ACTA1: variants seen among roughly 807,000 people sequenced by gnomAD.
ACTA1 encodes actin, alpha skeletal muscle.
ACTA1 carries 25 observed loss-of-function variants against 35.8 expected under a neutral mutation model. The ratio of observed to expected loss-of-function variants is 0.70; its 90% CI spans 0.51 to 0.97. ACTA1 has a LOEUF of 0.97. Ranked by LOEUF, ACTA1 falls within the 50% of genes least tolerant of loss-of-function variation. The pLI, the probability that ACTA1 is intolerant of heterozygous loss-of-function variation, is 0.00. For synonymous variants in ACTA1, 219 were observed against 217.1 expected, an observed-to-expected ratio of 1.01 and a Z score of -0.08; for missense variants, 174 against 533.0, an observed-to-expected ratio of 0.33 and a Z score of 6.63.
Position 229,432,536 on chromosome 1 carries a change from TG to T in ACTA1, c.454+19del, listed in dbSNP as rs753181739. ...CGGGGGCGGGGGCGGGAGAGGGGAC[TG>T]GGGGCAGCGGGCACTCACCGGTGGT... On this transcript the variant is annotated intron_variant, in intron 3 of 6. Transcript: ENST00000366684. The T allele has an allele frequency of 9.6e-6, 14 of 1,461,260 alleles. No individual in the cohort carries two copies. Among genetic ancestry groups the T allele is most frequent in the Non-Finnish European group, 1.3e-5 (14 of 1,076,578 alleles). 90.5% of individuals were successfully genotyped at this position (1,461,260 alleles called of 1,614,324 possible).
Position 229,431,972 on chromosome 1 carries a change from G to A in ACTA1, c.808+22C>T, listed in dbSNP as rs753716593. ...GGGGCCGGCGGGGCCTGGGGGCCGG[G>A]GCGAGGGCGAGCGGGGCTCACCGAT... is the stretch of plus-strand genomic sequence containing the variant. On this transcript the variant is annotated intron_variant, in intron 5 of 6. Coordinates refer to ENST00000366684, the MANE Select transcript of ACTA1 (RefSeq NM_001100.4). This position sits in a 1 kb window ranked among gnomAD's most constrained non-coding sequence, Gnocchi z 7.1. The A allele has an allele frequency of 1.2e-6, 2 of 1,603,300 alleles. No individual in the cohort carries two copies. Among genetic ancestry groups the A allele is most frequent in the Non-Finnish European group, 1.7e-6 (2 of 1,175,006 alleles).
Position 229,432,709 on chromosome 1 carries a change from C to T in ACTA1, c.301G>A (p.Glu101Lys). Residue 101 changes from glutamate (E) to lysine (K), a missense_variant, in exon 3 of 7, where the codon GAG becomes AAG. By Grantham distance (56) the Glu-to-Lys change is moderately conservative. Coordinates refer to ENST00000366684, the MANE Select transcript of ACTA1 (RefSeq NM_001100.4). ...TFYNELRVAP[E>K]EHPTLLTEAP... Reference sequence around the variant, plus strand: ...TCGGTGAGCAGGGTGGGGTGCTCCTCGGGAGCCACGCGAAGCTCGTTGTAG... The same window carrying T: ...TCGGTGAGCAGGGTGGGGTGCTCCTTGGGAGCCACGCGAAGCTCGTTGTAG... 1 of 1,614,134 alleles carries T rather than the reference C, an allele frequency of 6.2e-7. No individual in the cohort carries two copies. The highest frequency in any genetic ancestry group is 8.5e-7 in the Non-Finnish European group (1 of 1,180,022).
Position 229,431,349 on chromosome 1 carries a change from A to T in ACTA1, c.*150T>A, listed in dbSNP as rs1659927116. ...ACAAAATGAGGTAATAAGTTAATGTATGTACACGTTATAAACACTGTGTCA... is the reference window on the plus strand; with the variant it reads ...ACAAAATGAGGTAATAAGTTAATGTTTGTACACGTTATAAACACTGTGTCA... On this transcript the variant is annotated 3_prime_UTR_variant, in exon 7 of 7. Transcript: ENST00000366684. This position sits in a 1 kb window ranked among gnomAD's most constrained non-coding sequence, Gnocchi z 7.1. The T allele has an allele frequency of 1.9e-6, 2 of 1,052,636 alleles. No individual in the cohort carries two copies. The highest frequency in any genetic ancestry group is 2.9e-6 in the Non-Finnish European group (2 of 685,228). The allele number at this position is 1,052,636 out of a possible 1,614,324, so 65.2% of individuals were successfully genotyped here. A position where few individuals can be genotyped will look rare whatever the true frequency, so the allele number is the denominator to read the frequency against.
In ACTA1 at chr1:229,431,291, A is replaced by G; in HGVS notation, c.*208T>C. On this transcript the variant is annotated 3_prime_UTR_variant, in exon 7 of 7. Coordinates refer to ENST00000366684, the MANE Select transcript of ACTA1 (RefSeq NM_001100.4). The surrounding 1 kb of genome is among the most constrained non-coding windows in gnomAD (Gnocchi z 7.1). ...ACTTTAATGCTTCTTCAAGTTTTCCATTTTCTTCCACAGGGCTTTGTTTCG... is the reference window on the plus strand; with the variant it reads ...ACTTTAATGCTTCTTCAAGTTTTCCGTTTTCTTCCACAGGGCTTTGTTTCG... The G allele has an allele frequency of 1.4e-6, 1 of 715,926 alleles. No individual in the cohort carries two copies. The highest frequency in any genetic ancestry group is 1.8e-5 in the South Asian group (1 of 55,858). The allele number at this position is 715,926 out of a possible 1,614,324, so 44.3% of individuals were successfully genotyped here.
intron 1 of ACTA1, among the ~76,000 whole-genome samples, chr1:229,433,800 G>A (rs1660004732): frequency 6.6e-6 from 1 of 152,254 alleles, no homozygotes; most frequent in Non-Finnish European, 1.5e-5. Flanking sequence ...AAAGGGGCTA[G>A]AGAAAAATTT....
At position 229,432,316 on chromosome 1, in the gene ACTA1, G is replaced by A; in HGVS notation, c.570C>T (p.Tyr190=). 2 of 1,613,814 alleles carry A rather than the reference G, an allele frequency of 1.2e-6. No individual in the cohort carries two copies. Among genetic ancestry groups the A allele is most frequent in the South Asian group, 1.1e-5 (1 of 91,074 alleles). The part of the protein sequence containing the change: ...LDLAGRDLTD[Y]LMKILTERGY... ...CACGCTCAGTGAGGATCTTCATCAG[G>A]TAGTCGGTGAGATCGCGGCCCGCCA... Residue 190 remains tyrosine (Y), a synonymous_variant, in exon 4 of 7, where the codon TAC becomes TAT. Transcript: ENST00000366684.
Position 229,432,194 on chromosome 1 carries a change from G to C in ACTA1, c.617-9C>G. 6.2e-7 allele frequency: 1 copy of C among 1,613,414 alleles called. No homozygotes were observed. Among genetic ancestry groups the C allele is most frequent in the South Asian group, 1.1e-5 (1 of 91,050 alleles). On this transcript the variant is annotated splice_polypyrimidine_tract_variant and intron_variant, in intron 4 of 6. Transcript: ENST00000366684. ...CACGATCTCGCGCTCAGCTGCGGAG[G>C]GCAGAAGCAGGAGAGGAGCCCTCAC... is the stretch of plus-strand genomic sequence containing the variant.
Position 229,432,016 on chromosome 1 carries a change from C to G in ACTA1, c.786G>C (p.Thr262=), listed in dbSNP as rs141030526. Residue 262 remains threonine (T), a synonymous_variant, in exon 5 of 7, where the codon ACG becomes ACC. Transcript: ENST00000366684. ...IGNERFRCPE[T]LFQPSFIGME... is the part of the protein sequence containing the mutation. ...CACCGATGAAGGAGGGCTGGAAGAG[C>G]GTCTCCGGGCAGCGGAAGCGCTCGT... 340 of 1,611,058 alleles carry G rather than the reference C, an allele frequency of 2.1e-4. No homozygotes were observed. The African/African-American group carries it at 4.3e-3, about 20-fold the overall frequency.
chr1:229,433,687 T>A (rs1285842936), intron 1 of ACTA1, among the ~76,000 whole-genome samples: 1 of 152,252 alleles, frequency 6.6e-6, no homozygotes, highest in East Asian at 1.9e-4. Flanking sequence ...GGCTGCTCGC[T>A]CATTCGCTCT....
rs759235757 is a variant in ACTA1 at position 229,431,915 on chromosome 1, G to T, written c.809-13C>A. 1.2e-6 allele frequency: 2 copies of T among 1,611,358 alleles called. No individual in the cohort carries two copies. The highest frequency in any genetic ancestry group is 1.7e-5 in the Admixed American group (1 of 59,796). Reference sequence around the variant, plus strand: ...GCCGACTCCATACCTGGGGACCGCGGCGGGGAGCGTGAGCAGAAGCTCGGG... The same window carrying T: ...GCCGACTCCATACCTGGGGACCGCGTCGGGGAGCGTGAGCAGAAGCTCGGG... On this transcript the variant is annotated splice_polypyrimidine_tract_variant and intron_variant, in intron 5 of 6. Coordinates refer to ENST00000366684, the MANE Select transcript of ACTA1 (RefSeq NM_001100.4). This position sits in a 1 kb window ranked among gnomAD's most constrained non-coding sequence, Gnocchi z 7.1.
intron 1 of ACTA1, among the ~76,000 whole-genome samples, chr1:229,433,536 C>G (rs1659999205): frequency 6.6e-6 from 1 of 152,172 alleles, no homozygotes. Context: ...GCTTGCTGGG[C>G]CAGCGTGAGG....
In ACTA1 at chr1:229,432,896, A is replaced by G. The variant is rs753329503; in HGVS notation, c.130-16T>C. The G allele has an allele frequency of 3.1e-6, 5 of 1,614,042 alleles. No homozygotes were observed. The East Asian group carries it at 1.1e-4, about 36-fold the overall frequency. ...CCATGACGCCCTGCAGAGCCGAGACACCACGCACCCGTTAACGCCGCTCCG... is the reference window on the plus strand; with the variant it reads ...CCATGACGCCCTGCAGAGCCGAGACGCCACGCACCCGTTAACGCCGCTCCG... On this transcript the variant is annotated splice_polypyrimidine_tract_variant and intron_variant, in intron 2 of 6. Transcript: ENST00000366684.
chr1:229,433,419 C>A (rs1476744664), intron 1 of ACTA1, among the ~76,000 whole-genome samples: 1 of 152,240 alleles, frequency 6.6e-6, no homozygotes, highest in Non-Finnish European at 1.5e-5. Flanking sequence ...GACCTGTCTG[C>A]CCTCCCTGCC....
rs1659934508 is a variant in ACTA1 at position 229,431,577 on chromosome 1, G to A, written c.1056C>T (p.Ser352=). The stretch of plus-strand genomic sequence containing the variant: ...TGGTGATCCACATCTGCTGGAAGGT[G>A]GACAGCGAGGCCAGGATGGAGCCGC... The part of the protein sequence containing the change: ...WIGGSILASL[S]TFQQMWITKQ... Residue 352 remains serine, a synonymous_variant, in exon 7 of 7, where the codon TCC becomes TCT. Coordinates refer to ENST00000366684, the MANE Select transcript of ACTA1 (RefSeq NM_001100.4). This position sits in a 1 kb window ranked among gnomAD's most constrained non-coding sequence, Gnocchi z 7.1. The A allele has an allele frequency of 6.2e-7, 1 of 1,613,988 alleles. No individual in the cohort carries two copies. The highest frequency in any genetic ancestry group is 8.5e-7 in the Non-Finnish European group (1 of 1,180,024).
At position 229,432,298 on chromosome 1, in the gene ACTA1, A is replaced by G. The variant is rs770173089; in HGVS notation, c.588T>C (p.Thr196=). ...DLTDYLMKIL[T]ERGYSFVTTA... The stretch of plus-strand genomic sequence containing the variant: ...TGGTCACGAAGGAGTAGCCACGCTC[A>G]GTGAGGATCTTCATCAGGTAGTCGG... Residue 196 remains threonine, a synonymous_variant, in exon 4 of 7, where the codon ACT becomes ACC. Transcript: ENST00000366684. 13 of 1,613,652 alleles carry G rather than the reference A, an allele frequency of 8.1e-6. No homozygotes were observed. Among genetic ancestry groups the G allele is most frequent in the Non-Finnish European group, 1.1e-5 (13 of 1,179,832 alleles).
intron 1 of ACTA1, 75 bp downstream of exon 1, chr1:229,433,929 G>T (rs1445713480): frequency 6.6e-6 from 1 of 152,492 alleles, no homozygotes; most frequent in African/African-American, 2.4e-5. Flanking sequence ...GAACCGACTG[G>T]GTTCTGCCCC....
chr1:229,431,447 C>T lies in ACTA1; in HGVS notation c.*52G>A, dbSNP rs1659931482. The T allele has an allele frequency of 6.2e-7, 1 of 1,611,978 alleles. No homozygotes were observed. Among genetic ancestry groups the T allele is most frequent in the African/African-American group, 1.3e-5 (1 of 74,966 alleles). On this transcript the variant is annotated 3_prime_UTR_variant, in exon 7 of 7. Coordinates refer to ENST00000366684, the MANE Select transcript of ACTA1 (RefSeq NM_001100.4). This position sits in a 1 kb window ranked among gnomAD's most constrained non-coding sequence, Gnocchi z 7.1. ...GGTGGCTGGAGCTCAGCCGCCCCCC[C>T]ATTGAGAAGATTCGTCGTCCTGAGA...
rs1199816356 is a variant in ACTA1 at position 229,431,535 on chromosome 1, C to T, written c.1098G>A (p.Glu366=). 1.4e-5 allele frequency: 23 copies of T among 1,613,446 alleles called. No individual in the cohort carries two copies. Among genetic ancestry groups the T allele is most frequent in the African/African-American group, 6.7e-5 (5 of 74,852 alleles). Residue 366 remains glutamate (E), a synonymous_variant, in exon 7 of 7, where the codon GAG becomes GAA. Coordinates refer to ENST00000366684, the MANE Select transcript of ACTA1 (RefSeq NM_001100.4). The surrounding 1 kb of genome is among the most constrained non-coding windows in gnomAD (Gnocchi z 7.1). ...TGCGGTGGACGATGGAAGGGCCGGCCTCGTCGTACTCCTGCTTGGTGATCC... is the reference window on the plus strand; with the variant it reads ...TGCGGTGGACGATGGAAGGGCCGGCTTCGTCGTACTCCTGCTTGGTGATCC... ...QMWITKQEYD[E]AGPSIVHRKC...
chr1:229,432,930 C>T (rs748240292), intron 2 of ACTA1, 50 bp from the exon 3 acceptor site: 5 of 1,613,988 alleles, frequency 3.1e-6, no homozygotes, highest in Non-Finnish European at 4.2e-6. Flanking sequence ...CGGGTGGCAC[C>T]AGGCTGGCTT....
Sources: gnomAD v4.1 joint callset for allele counts (sites outside exome capture counted in the v4.1 genomes callset) on GRCh38, gnomAD v4.1.1 for gene constraint, Gnocchi (gnomAD v3.1) non-coding constraint, MANE v1.5 for transcripts, NCBI Gene and HGNC (gene_info 2026-07-23, HGNC 2026-07-21) for gene names.